Variants in LYRM4 observed in about 807,000 individuals in gnomAD.
LYRM4 encodes LYR motif-containing protein 4.
In LYRM4, 9 loss-of-function variants were observed where a neutral mutation model predicts 11.7. That is an observed-to-expected ratio of 0.77 (90% confidence interval 0.46 to 1.34). The LOEUF (loss-of-function observed/expected upper bound fraction) is 1.34, where lower values mean the gene tolerates loss of function less well. Among genes scored for constraint, LYRM4 ranks in the 40% most tolerant of loss-of-function variants. The pLI is 0.00. For missense variants in LYRM4, 133 were observed against 112.5 expected, an observed-to-expected ratio of 1.18 and a Z score of -0.82; for synonymous variants, 42 against 40.4, an observed-to-expected ratio of 1.04 and a Z score of -0.15.
intron 2 of LYRM4, among the ~76,000 whole-genome samples, chr6:5,201,465 T>C (rs1424688138): frequency 6.6e-6 from 1 of 152,218 alleles, no homozygotes; most frequent in East Asian, 1.9e-4. Context: ...GTCTTACTTT[T>C]CTTTGGGTGA....
rs1158676783 is a variant in LYRM4 at position 5,245,113 on chromosome 6, AATATATATATATATATATATATAT to A, written c.86+15511_86+15534del. On this transcript the variant is annotated intron_variant, in intron 1 of 2. Transcript: ENST00000330636. ...TTAAAAAAAAAAAAAAAAAAAAAAAAATATATATATATATATATATATATATATATATATATATATATATATATA... is the reference window on the plus strand; with the variant it reads ...TTAAAAAAAAAAAAAAAAAAAAAAAAATATATATATATATATATATATATA... Among the ~76,000 whole-genome samples, 14 of 24,138 alleles carry A rather than the reference AATATATATATATATATATATATAT, an allele frequency of 5.8e-4. 1 individual carries two copies. Among genetic ancestry groups the A allele is most frequent in the African/African-American group, 1.9e-3 (10 of 5,274 alleles). The allele number at this position is 24,138 out of a possible 152,430, so 15.8% of individuals were successfully genotyped here.
chr6:5,119,214 CA>C (rs1763289046), intron 2 of LYRM4, among the ~76,000 whole-genome samples: 1 of 152,108 alleles, frequency 6.6e-6, no homozygotes, highest in Non-Finnish European at 1.5e-5. Context: ...GAGTGATGAG[CA>C]AGTTCATATC....
chr6:5,118,234 A>G (rs998203678), intron 2 of LYRM4, among the ~76,000 whole-genome samples: 3 of 151,450 alleles, frequency 2.0e-5, no homozygotes, highest in African/African-American at 7.3e-5. Context: ...CTCATGCCTC[A>G]GCTTCTCGAG....
the LYRM4 span, among the ~76,000 whole-genome samples, chr6:5,049,208 A>G: frequency 6.6e-6 from 1 of 152,174 alleles, no homozygotes; most frequent in Non-Finnish European, 1.5e-5. Context: ...CAGCTATGCT[A>G]CTGGAGTGAG....
chr6:5,127,199 G>A (rs1054918175), intron 2 of LYRM4, among the ~76,000 whole-genome samples: 9 of 152,076 alleles, frequency 5.9e-5, no homozygotes, highest in East Asian at 1.9e-4. Flanking sequence ...ATCTGCCCAC[G>A]TTGGCCTCCC....
Position 5,109,478 on chromosome 6 carries a change from T to G in LYRM4, c.221A>C (p.Gln74Pro). The G allele has an allele frequency of 6.2e-7, 1 of 1,614,076 alleles. No homozygotes were observed. The highest frequency in any genetic ancestry group is 8.5e-7 in the Non-Finnish European group (1 of 1,179,940). Residue 74 changes from glutamine (Q) to proline (P), a missense_variant, in exon 3 of 3, where the codon CAA becomes CCA. Gln to Pro is a moderately conservative substitution (Grantham distance 76). Transcript: ENST00000330636. The part of the protein sequence containing the change: ...GVIRRQVHIG[Q>P]LYSTDKLIIE... ...GATCAGCTTGTCAGTTGAATACAGT[T>G]GGCCAATGTGGACCTGAAGGCAAAG...
At chr6:5,131,072 A>G (rs938449561) in intron 2 of LYRM4, among the ~76,000 whole-genome samples, 5 of 152,232 alleles carry the variant, frequency 3.3e-5, no homozygotes, top group African/African-American at 1.2e-4. Flanking sequence ...ACTGAAAATC[A>G]AGGGATGAGT....
the LYRM4 span, among the ~76,000 whole-genome samples, chr6:5,075,047 T>G: frequency 2.0e-5 from 3 of 152,098 alleles, no homozygotes; most frequent in Non-Finnish European, 4.4e-5. Context: ...CCCCCACCCT[T>G]GCTCCCTCTC....
At chr6:5,121,035 G>A (rs1388243139) in intron 2 of LYRM4, among the ~76,000 whole-genome samples, 1 of 152,230 alleles carries the variant, frequency 6.6e-6, no homozygotes, top group Non-Finnish European at 1.5e-5. Flanking sequence ...GTCCCTGAAT[G>A]AGAAGCAGTG....
chr6:5,100,322 T>C (rs1224327724), downstream of LYRM4, among the ~76,000 whole-genome samples: 1 of 152,116 alleles, frequency 6.6e-6, no homozygotes, highest in Non-Finnish European at 1.5e-5. Flanking sequence ...TATGGAGCCC[T>C]GGAACCAGCA....
chr6:5,164,833 T>C (rs1215617631), intron 2 of LYRM4, among the ~76,000 whole-genome samples: 1 of 152,036 alleles, frequency 6.6e-6, no homozygotes, highest in Non-Finnish European at 1.5e-5. Context: ...CTGGGTGTGG[T>C]GGTACACACC....
At chr6:5,247,723 G>T (rs1764256871) in intron 1 of LYRM4, among the ~76,000 whole-genome samples, 1 of 151,988 alleles carries the variant, frequency 6.6e-6, no homozygotes. Context: ...CATCACACCA[G>T]GAACAAAAGA....
intron 1 of LYRM4, among the ~76,000 whole-genome samples, chr6:5,249,523 CTGAGT>C (rs1169067435): frequency 2.6e-5 from 4 of 152,148 alleles, no homozygotes; most frequent in African/African-American, 7.2e-5. Context: ...CTCAAAACGT[CTGAGT>C]TAAGAGAACT....
chr6:5,260,117 C>T (rs1469234369), intron 1 of LYRM4, among the ~76,000 whole-genome samples: 1 of 152,084 alleles, frequency 6.6e-6, no homozygotes, highest in Non-Finnish European at 1.5e-5. Context: ...TTTCCTTTTC[C>T]GCTACGCATT....
At chr6:5,091,697 C>T in the LYRM4 span, among the ~76,000 whole-genome samples, 1 of 152,182 alleles carries the variant, frequency 6.6e-6, no homozygotes, top group Non-Finnish European at 1.5e-5. Context: ...GATTTTCCTA[C>T]TGAGTTGGTA....
chr6:5,236,014 C>T (rs1190038187), intron 1 of LYRM4, among the ~76,000 whole-genome samples: 4 of 152,172 alleles, frequency 2.6e-5, no homozygotes, highest in Non-Finnish European at 5.9e-5. Flanking sequence ...GTCAACAAAA[C>T]TATGACCACT....
intron 1 of LYRM4, among the ~76,000 whole-genome samples, chr6:5,257,691 G>C (rs1764745884): frequency 6.6e-6 from 1 of 152,182 alleles, no homozygotes; most frequent in African/African-American, 2.4e-5. Context: ...GCATGTGAGT[G>C]ATCTAGGTTG....
chr6:5,240,451 A>G (rs1361785365), intron 1 of LYRM4: 1 of 152,252 alleles, frequency 6.6e-6, no homozygotes, highest in Non-Finnish European at 1.5e-5. Context: ...TAAGAAATCT[A>G]AAACAATAGC....
At chr6:5,199,720 G>A (rs1018406088) in intron 2 of LYRM4, among the ~76,000 whole-genome samples, 1 of 152,208 alleles carries the variant, frequency 6.6e-6, no homozygotes, top group African/African-American at 2.4e-5. Flanking sequence ...CCTGAAAAAA[G>A]TTGGTGTTCT....
Sources: allele counts gnomAD v4.1 joint callset (sites outside exome capture counted in the v4.1 genomes callset), GRCh38; gene constraint gnomAD v4.1.1; transcripts MANE v1.5; gene names NCBI Gene and HGNC (gene_info 2026-07-23, HGNC 2026-07-21).